The following KCNH7 variants were observed in gnomAD, a reference collection of about 807,000 sequenced individuals.
KCNH7 encodes potassium voltage-gated channel subfamily H member 7.
KCNH7 carries 49 observed loss-of-function variants against 120.8 expected under a neutral mutation model. That is an observed-to-expected ratio of 0.41 (90% confidence interval 0.32 to 0.51). The LOEUF (loss-of-function observed/expected upper bound fraction) is 0.51, where lower values mean the gene tolerates loss of function less well. Among genes scored for constraint, KCNH7 ranks in the 20% least tolerant of loss-of-function variants. The probability of loss-of-function intolerance (pLI) is 0.38; values close to 1 mark genes in which losing one functional copy is unlikely to be tolerated. For missense variants in KCNH7, 1,097 were observed against 1,446.6 expected (o/e 0.76, Z 3.92); for synonymous variants, 547 against 516.1 (o/e 1.06, Z -0.81).
intron 2 of KCNH7, among the ~76,000 whole-genome samples, chr2:162,716,112 T>C (rs10170308): frequency 6.6e-6 from 1 of 152,150 alleles, no homozygotes; most frequent in Non-Finnish European, 1.5e-5. Context: ...TGTCTATCTA[T>C]ATAAAATAGG....
At chr2:162,649,129 A>G (rs1684481362) in intron 2 of KCNH7, among the ~76,000 whole-genome samples, 1 of 152,216 alleles carries the variant, frequency 6.6e-6, no homozygotes, top group African/African-American at 2.4e-5. Context: ...TCCACTATCA[A>G]TTATTAAATA....
At chr2:162,484,638 A>G (rs1466098195) in intron 6 of KCNH7, among the ~76,000 whole-genome samples, 1 of 152,150 alleles carries the variant, frequency 6.6e-6, no homozygotes, top group Non-Finnish European at 1.5e-5. Flanking sequence ...CCTAAAATTC[A>G]TTTTGAAATT....
chr2:162,630,085 G>A (rs1045320995), intron 2 of KCNH7, among the ~76,000 whole-genome samples: 1 of 152,008 alleles, frequency 6.6e-6, no homozygotes, highest in East Asian at 1.9e-4. Context: ...AAGCTCCATG[G>A]AATTAAGGCA....
chr2:162,621,058 C>G (rs77525314), intron 2 of KCNH7, among the ~76,000 whole-genome samples: 2,725 of 152,010 alleles, frequency 0.018, 82 homozygotes, highest in East Asian at 0.12. Context: ...TTACCTTGTC[C>G]CATTCTCTCT....
At chr2:162,654,609 G>A (rs546405423) in intron 2 of KCNH7, among the ~76,000 whole-genome samples, 2 of 152,096 alleles carry the variant, frequency 1.3e-5, no homozygotes, top group Non-Finnish European at 2.9e-5. Flanking sequence ...ACAACTAAAA[G>A]TAGAATGACC....
At chr2:162,707,906 T>G (rs964138605) in intron 2 of KCNH7, among the ~76,000 whole-genome samples, 1 of 152,090 alleles carries the variant, frequency 6.6e-6, no homozygotes, top group Non-Finnish European at 1.5e-5. Context: ...CCATGAAGTC[T>G]GCTTCCTCAT....
chr2:162,478,694 G>A (rs926148015), intron 6 of KCNH7, among the ~76,000 whole-genome samples: 1 of 152,088 alleles, frequency 6.6e-6, no homozygotes, highest in Non-Finnish European at 1.5e-5. Context: ...AGGTTTTGAA[G>A]GCCTTATGAC....
intron 2 of KCNH7, among the ~76,000 whole-genome samples, chr2:162,787,482 T>C (rs2105509562): frequency 6.6e-6 from 1 of 152,160 alleles, no homozygotes; most frequent in African/African-American, 2.4e-5. Context: ...CAGGCTGGCA[T>C]CCACGAATTC....
At chr2:162,722,487 G>A (rs985610647) in intron 2 of KCNH7, among the ~76,000 whole-genome samples, 10 of 152,050 alleles carry the variant, frequency 6.6e-5, no homozygotes, top group Non-Finnish European at 1.2e-4. Flanking sequence ...TTATGAGGAT[G>A]TCTTAATATG....
At chr2:162,444,196 C>G (rs1246902590) in intron 7 of KCNH7, among the ~76,000 whole-genome samples, 1 of 152,084 alleles carries the variant, frequency 6.6e-6, no homozygotes, top group East Asian at 1.9e-4. Flanking sequence ...CTCTGCCATC[C>G]CCTACCCCTC....
chr2:162,679,467 T>C (rs1202837639), intron 2 of KCNH7, among the ~76,000 whole-genome samples: 1 of 151,598 alleles, frequency 6.6e-6, no homozygotes, highest in African/African-American at 2.4e-5. Flanking sequence ...CTTTAAAAAC[T>C]CCTAAAGTTA....
chr2:162,430,500 T>A (rs967022170), intron 8 of KCNH7, among the ~76,000 whole-genome samples: 1 of 152,014 alleles, frequency 6.6e-6, no homozygotes, highest in Non-Finnish European at 1.5e-5. Context: ...ACTGCTGGGG[T>A]CTGCTTAGGT....
At chr2:162,699,709 T>C (rs1456806360) in intron 2 of KCNH7, among the ~76,000 whole-genome samples, 1 of 152,186 alleles carries the variant, frequency 6.6e-6, no homozygotes, top group African/African-American at 2.4e-5. Flanking sequence ...GACAAATGGA[T>C]CATCAATAAT....
intron 2 of KCNH7, among the ~76,000 whole-genome samples, chr2:162,594,066 C>A (rs74418421): frequency 0.011 from 1,665 of 152,044 alleles, 32 homozygotes; most frequent in African/African-American, 0.038. Context: ...GAACACTTTT[C>A]TTTGGTTTCA....
chr2:162,414,057 T>C (rs2105471410), intron 9 of KCNH7, among the ~76,000 whole-genome samples: 1 of 152,034 alleles, frequency 6.6e-6, no homozygotes, highest in Non-Finnish European at 1.5e-5. Flanking sequence ...AAAATGTCAT[T>C]AGAGTAAAAA....
chr2:162,505,833 T>C lies in KCNH7; in HGVS notation c.914-1176A>G, dbSNP rs1418239219. Among the ~76,000 whole-genome samples the C allele has an allele frequency of 3.9e-5, 6 of 151,974 alleles. No individual in the cohort carries two copies. In the East Asian group the frequency reaches 9.8e-4, roughly 25 times the overall value. On this transcript the variant is annotated intron_variant, in intron 5 of 15. Transcript: ENST00000332142. ...AAATGACGTGAACCCATTTTCGGGA[T>C]CAAAATGTACTTTAAGCATCAAGCA... is the stretch of plus-strand genomic sequence containing the variant.
intron 2 of KCNH7, among the ~76,000 whole-genome samples, chr2:162,757,977 A>G (rs1017910070): frequency 2.0e-5 from 3 of 152,200 alleles, no homozygotes; most frequent in African/African-American, 7.2e-5. Flanking sequence ...TGGAGTGAGT[A>G]CTATGAGTAA....
At chr2:162,729,162 A>ATT (rs1412794660) in intron 2 of KCNH7, among the ~76,000 whole-genome samples, 1,291 of 119,854 alleles carry the variant, frequency 0.011, 30 homozygotes, top group African/African-American at 0.026. Flanking sequence ...ATATACCCAA[A>ATT]TTTTTTTTTT....
Position 162,605,751 on chromosome 2 carries a change from C to T in KCNH7, c.308-68671G>A, listed in dbSNP as rs931360351. Among the ~76,000 whole-genome samples the T allele has an allele frequency of 2.6e-5, 4 of 152,208 alleles. No homozygotes were observed. The East Asian group carries it at 7.7e-4, about 29-fold the overall frequency. Reference sequence around the variant, plus strand: ...CTAATATAAGAAGATATTCCAGTTGCTTAAAGTTTCATTTTACAGTATTCA... The same window carrying T: ...CTAATATAAGAAGATATTCCAGTTGTTTAAAGTTTCATTTTACAGTATTCA... On this transcript the variant is annotated intron_variant, in intron 2 of 15. Coordinates refer to ENST00000332142, the MANE Select transcript of KCNH7 (RefSeq NM_033272.4).
Sources: allele counts gnomAD v4.1 joint callset (sites outside exome capture counted in the v4.1 genomes callset), GRCh38; gene constraint gnomAD v4.1.1; transcripts MANE v1.5; gene names NCBI Gene and HGNC (gene_info 2026-07-23, HGNC 2026-07-21).